Variants in NTM observed in about 807,000 individuals in gnomAD.
NTM encodes the protein neurotrimin.
NTM carries 13 observed loss-of-function variants against 42.1 expected under a neutral mutation model. The observed-to-expected ratio is 0.31, with a 90% CI of 0.20 to 0.49. The LOEUF (loss-of-function observed/expected upper bound fraction) is 0.49. Among genes scored for constraint, NTM ranks in the 20% least tolerant of loss-of-function variants. The pLI, the probability that NTM is intolerant of heterozygous loss-of-function variation, is 0.99. For missense variants in NTM, 373 were observed against 452.8 expected (o/e 0.82, Z 1.60); for synonymous variants, 187 against 179.2 (o/e 1.04, Z -0.35).
At chr11:132,036,588 T>TG (rs1024743775) in intron 2 of NTM, among the ~76,000 whole-genome samples, 5 of 152,178 alleles carry the variant, frequency 3.3e-5, no homozygotes, top group Non-Finnish European at 7.3e-5. Flanking sequence ...ACCAAGCGAA[T>TG]GGTGTATCTG....
intron 1 of NTM, among the ~76,000 whole-genome samples, chr11:131,582,874 C>T (rs2058539765): frequency 6.6e-6 from 1 of 152,066 alleles, no homozygotes; most frequent in Non-Finnish European, 1.5e-5. Flanking sequence ...CACTGTGAGT[C>T]CCACGGAATC....
At chr11:132,021,326 CAT>C (rs1346696526) in intron 2 of NTM, among the ~76,000 whole-genome samples, 10 of 151,978 alleles carry the variant, frequency 6.6e-5, no homozygotes, top group East Asian at 3.9e-4. Context: ...GTTTTTTAAA[CAT>C]ATTTATAAGA....
intron 1 of NTM, among the ~76,000 whole-genome samples, chr11:131,443,360 A>G (rs1157865870): frequency 4.6e-5 from 7 of 152,334 alleles, no homozygotes; most frequent in African/African-American, 9.6e-5. Flanking sequence ...GCCTGGGTGT[A>G]TGGTTGTATC....
chr11:131,424,663 C>T (rs1226995844), intron 1 of NTM, among the ~76,000 whole-genome samples: 1 of 128,806 alleles, frequency 7.8e-6, no homozygotes, highest in African/African-American at 3.0e-5. Flanking sequence ...TGGGTTCATG[C>T]CATTCTCCTG....
intron 2 of NTM, among the ~76,000 whole-genome samples, chr11:132,095,677 T>G (rs1413401796): frequency 6.6e-6 from 1 of 152,214 alleles, no homozygotes; most frequent in Non-Finnish European, 1.5e-5. Flanking sequence ...GCCATCCTTG[T>G]GTCTAGGCGT....
At chr11:132,135,087 A>G (rs1028650802) in intron 2 of NTM, among the ~76,000 whole-genome samples, 1 of 152,108 alleles carries the variant, frequency 6.6e-6, no homozygotes, top group African/African-American at 2.4e-5. Context: ...TTAGTACCTA[A>G]GCCTGGCTGG....
chr11:131,424,458 T>A (rs918895024), intron 1 of NTM, among the ~76,000 whole-genome samples: 21 of 152,130 alleles, frequency 1.4e-4, no homozygotes, highest in African/African-American at 4.8e-4. Flanking sequence ...AACTGAGTTA[T>A]GCACCTTCCT....
At chr11:132,293,577 T>C (rs554305685) in intron 4 of NTM, among the ~76,000 whole-genome samples, 1 of 152,202 alleles carries the variant, frequency 6.6e-6, no homozygotes, top group African/African-American at 2.4e-5. Context: ...AAATCATAGA[T>C]GACTGGAGAT....
chr11:132,221,325 G>A (rs1407901449), intron 4 of NTM, among the ~76,000 whole-genome samples: 1 of 152,156 alleles, frequency 6.6e-6, no homozygotes, highest in African/African-American at 2.4e-5. Context: ...TTCACAACTA[G>A]GCGAGACAGG....
In NTM at chr11:132,204,684, G is replaced by A. The variant is rs1018474795; in HGVS notation, c.401-7338G>A. Among the ~76,000 whole-genome samples, 4 of 152,336 alleles carry A rather than the reference G, an allele frequency of 2.6e-5. No homozygotes were observed. In the East Asian group the frequency reaches 5.8e-4, roughly 22 times the overall value. On this transcript the variant is annotated intron_variant, in intron 3 of 8. Transcript: ENST00000683400. ...GGGAGAATGCTGTGGGAAGAGCATG[G>A]AGAGGGAGGCGGCATCCAGAGTGTG...
intron 1 of NTM, among the ~76,000 whole-genome samples, chr11:131,562,480 G>C (rs1181581532): frequency 6.6e-6 from 1 of 152,074 alleles, no homozygotes; most frequent in African/African-American, 2.4e-5. Flanking sequence ...GGCGTGGAGG[G>C]GAGAGTTCCT....
intron 7 of NTM, among the ~76,000 whole-genome samples, chr11:132,315,881 T>G (rs2095415451): frequency 6.6e-6 from 1 of 152,208 alleles, no homozygotes; most frequent in Admixed American, 6.5e-5. Context: ...GAGTGATTGA[T>G]GTGTCTGGCA....
At chr11:132,046,864 C>T (rs902645276) in intron 2 of NTM, among the ~76,000 whole-genome samples, 2 of 152,152 alleles carry the variant, frequency 1.3e-5, no homozygotes, top group Admixed American at 6.6e-5. Flanking sequence ...ATATATCTAT[C>T]ATCTATTTAT....
At chr11:131,420,280 T>A (rs950885766) in intron 1 of NTM, among the ~76,000 whole-genome samples, 1 of 151,860 alleles carries the variant, frequency 6.6e-6, no homozygotes, top group Non-Finnish European at 1.5e-5. Flanking sequence ...GACCTGATGA[T>A]GGGAGAAAGA....
At chr11:131,756,840 G>C (rs551228784) in intron 1 of NTM, among the ~76,000 whole-genome samples, 1 of 152,250 alleles carries the variant, frequency 6.6e-6, no homozygotes, top group African/African-American at 2.4e-5. Context: ...TGAAATTTAT[G>C]GCCAGTAAAT....
At chr11:132,271,515 G>A (rs1287331290) in intron 4 of NTM, among the ~76,000 whole-genome samples, 2 of 151,370 alleles carry the variant, frequency 1.3e-5, no homozygotes, top group Non-Finnish European at 1.5e-5. Context: ...TCTCACTTTA[G>A]CATATGACTC....
At chr11:131,953,582 G>A (rs1354342818) in intron 2 of NTM, among the ~76,000 whole-genome samples, 1 of 152,196 alleles carries the variant, frequency 6.6e-6, no homozygotes, top group Non-Finnish European at 1.5e-5. Context: ...TTCTAGGCAA[G>A]TAATTTCACT....
At chr11:132,241,933 G>A (rs1387025791) in intron 4 of NTM, among the ~76,000 whole-genome samples, 1 of 152,230 alleles carries the variant, frequency 6.6e-6, no homozygotes, top group Non-Finnish European at 1.5e-5. Flanking sequence ...GATGGTCGCA[G>A]TATGTGTGTG....
intron 1 of NTM, among the ~76,000 whole-genome samples, chr11:131,730,721 A>AAAAAAAAAAAAAAAAAAAAG (rs113412896): frequency 1.4e-4 from 19 of 134,268 alleles, no homozygotes; most frequent in Admixed American, 5.1e-4. Flanking sequence ...CTATCTGTTA[A>AAAAAAAAAAAAAAAAAAAAG]AAGAAGAAGA....
Sources: allele counts gnomAD v4.1 joint callset (sites outside exome capture counted in the v4.1 genomes callset), GRCh38; gene constraint gnomAD v4.1.1; transcripts MANE v1.5; gene names NCBI Gene and HGNC (gene_info 2026-07-23, HGNC 2026-07-21).